The following DNAH11 variants were observed in gnomAD, a reference collection of about 807,000 sequenced individuals.
The protein encoded by DNAH11 is dynein axonemal heavy chain 11.
DNAH11 carries 442 observed loss-of-function variants against 526.0 expected under a neutral mutation model. The observed-to-expected ratio is 0.84, with a 90% CI of 0.78 to 0.91. The LOEUF (loss-of-function observed/expected upper bound fraction) is 0.91, where lower values mean the gene tolerates loss of function less well. Among genes scored for constraint, DNAH11 ranks in the 40% least tolerant of loss-of-function variants. The pLI, the probability that DNAH11 is intolerant of heterozygous loss-of-function variation, is 0.00. For missense variants in DNAH11, 6,989 were observed against 5,448.7 expected (o/e 1.28, Z -8.90); for synonymous variants, 2,461 against 1,935.9 (o/e 1.27, Z -7.12).
intron 57 of DNAH11, among the ~76,000 whole-genome samples, chr7:21,783,435 T>A (rs1369355512): frequency 6.6e-6 from 1 of 152,220 alleles, no homozygotes; most frequent in Admixed American, 6.5e-5. Context: ...ACCTGTTCAT[T>A]TCAAATACAT....
Position 21,867,950 on chromosome 7 carries a change from C to G in DNAH11, c.11782C>G (p.Pro3928Ala), listed in dbSNP as rs200216795. 3 of 1,569,102 alleles carry G rather than the reference C, an allele frequency of 1.9e-6. No individual in the cohort carries two copies. The highest frequency in any genetic ancestry group is 2.3e-5 in the South Asian group (2 of 85,120). ...ATTCGAAGAAAGCAGCCCAGCCACCCCCATATTCTTCATCCTGTCTCCGGG... is the reference window on the plus strand; with the variant it reads ...ATTCGAAGAAAGCAGCCCAGCCACCGCCATATTCTTCATCCTGTCTCCGGG... ...KAFEESSPAT[P>A]IFFILSPGVD... Residue 3928 changes from proline (P) to alanine (A), a missense_variant, in exon 72 of 82, where the codon CCC becomes GCC. Physicochemically the swap from Pro to Ala is conservative, Grantham distance 27. Coordinates refer to ENST00000409508, the MANE Select transcript of DNAH11 (RefSeq NM_001277115.2).
intron 45 of DNAH11, among the ~76,000 whole-genome samples, chr7:21,728,647 C>T (rs531169743): frequency 1.3e-5 from 2 of 152,216 alleles, no homozygotes; most frequent in African/African-American, 4.8e-5. Context: ...TACATTTCAT[C>T]TATCAGTTCA....
intron 54 of DNAH11, among the ~76,000 whole-genome samples, chr7:21,759,288 A>G: frequency 6.6e-6 from 1 of 152,214 alleles, no homozygotes; most frequent in Admixed American, 6.5e-5. Flanking sequence ...TCTAGCAAAA[A>G]TCTGTGATGT....
At chr7:21,683,682 A>G (rs184727257) in intron 31 of DNAH11, 102 bp from the exon 32 acceptor site, 8 of 1,283,656 alleles carry the variant, frequency 6.2e-6, no homozygotes, top group African/African-American at 1.5e-5. Flanking sequence ...TTTCCTATTT[A>G]TGAGAATTTT....
At chr7:21,649,788 C>T (rs1318555094) in intron 28 of DNAH11, among the ~76,000 whole-genome samples, 1 of 151,874 alleles carries the variant, frequency 6.6e-6, no homozygotes, top group Non-Finnish European at 1.5e-5. Flanking sequence ...GCCTCAGCCA[C>T]CTGAGTAGCT....
At position 21,783,703 on chromosome 7, in the gene DNAH11, A is replaced by G. The variant is rs1390691178; in HGVS notation, c.9484-724A>G. Among the ~76,000 whole-genome samples the G allele has an allele frequency of 2.9e-4, 40 of 136,992 alleles. 1 individual carries two copies. The Admixed American group carries it at 3.2e-3, about 11-fold the overall frequency. 89.9% of individuals were successfully genotyped at this position (136,992 alleles called of 152,430 possible). A position where few individuals can be genotyped will look rare whatever the true frequency, so the allele number is the denominator to read the frequency against. ...AAGTTTACCAGCATGACTTTCCTCT[A>G]TATTATATATCATGTCAGAAGGCTG... On this transcript the variant is annotated intron_variant, in intron 57 of 81. Coordinates refer to ENST00000409508, the MANE Select transcript of DNAH11 (RefSeq NM_001277115.2).
intron 45 of DNAH11, among the ~76,000 whole-genome samples, chr7:21,726,780 G>A (rs1785126380): frequency 1.5e-5 from 2 of 136,420 alleles, no homozygotes; most frequent in African/African-American, 2.8e-5. Context: ...AGAGTCGCTT[G>A]AACCTGGGAG....
At chr7:21,629,106 C>G (rs996467894) in intron 25 of DNAH11, among the ~76,000 whole-genome samples, 5 of 151,910 alleles carry the variant, frequency 3.3e-5, no homozygotes, top group African/African-American at 1.2e-4. Context: ...TGTTTTATTT[C>G]CATTTTAATT....
At chr7:21,783,585 TC>T (rs1402341459) in intron 57 of DNAH11, among the ~76,000 whole-genome samples, 1 of 152,176 alleles carries the variant, frequency 6.6e-6, no homozygotes, top group Non-Finnish European at 1.5e-5. Context: ...AAAAATTCAC[TC>T]TTCCTGGCCT....
chr7:21,893,601 C>T (rs770514723), intron 77 of DNAH11, among the ~76,000 whole-genome samples: 5 of 152,192 alleles, frequency 3.3e-5, no homozygotes, highest in Admixed American at 6.5e-5. Context: ...AGGCAAAGTT[C>T]CTCCATCTTT....
chr7:21,792,695 T>G (rs1007414888), intron 61 of DNAH11, among the ~76,000 whole-genome samples: 2 of 152,154 alleles, frequency 1.3e-5, no homozygotes, highest in Non-Finnish European at 2.9e-5. Context: ...ATGTTCATAG[T>G]AGTTTCTAAT....
chr7:21,615,249 T>TGGGA lies in DNAH11; in HGVS notation c.3989_3992dup (p.Asp1331GlufsTer12). ...AGAAATAAAATTGCTCAAGGGACTG[T>TGGGA]GGGATGTCATTATTTATGTTCGAGT... On this transcript the variant is annotated frameshift_variant, in exon 21 of 82. Transcript: ENST00000409508. LOFTEE classifies it high-confidence loss of function. The TGGGA allele has an allele frequency of 6.2e-7, 1 of 1,612,840 alleles. No individual in the cohort carries two copies. Among genetic ancestry groups the TGGGA allele is most frequent in the Non-Finnish European group, 8.5e-7 (1 of 1,179,304 alleles).
In DNAH11 at chr7:21,818,205, CTGAATTTTAAGGTTTT is replaced by C. The variant is rs1562564497; in HGVS notation, c.10569-6_10578del. 6.2e-7 allele frequency: 1 copy of C among 1,606,214 alleles called. No individual in the cohort carries two copies. On this transcript the variant is annotated splice_acceptor_variant and splice_polypyrimidine_tract_variant and coding_sequence_variant and intron_variant, in exon 65 of 82. Coordinates refer to ENST00000409508, the MANE Select transcript of DNAH11 (RefSeq NM_001277115.2). LOFTEE classifies it high-confidence loss of function. ...TTACATTTTATTATCTCAAATCCCA[CTGAATTTTAAGGTTTT>C]TGAATGCCATTGAAACTGCTTTGGC... is the stretch of plus-strand genomic sequence containing the variant.
chr7:21,867,776 T>A, intron 71 of DNAH11, 83 bp from the exon 72 acceptor site: 1 of 1,300,282 alleles, frequency 7.7e-7, no homozygotes, highest in Non-Finnish European at 1.1e-6. Context: ...ATCGTGTGCC[T>A]GTGTGGTTTA....
intron 18 of DNAH11, among the ~76,000 whole-genome samples, chr7:21,605,402 C>T (rs1447889691): frequency 2.0e-5 from 3 of 152,202 alleles, no homozygotes; most frequent in Non-Finnish European, 4.4e-5. Flanking sequence ...AGTAATTATG[C>T]TCCATGCATT....
intron 2 of DNAH11, 66 bp downstream of exon 2, chr7:21,545,215 C>A: frequency 7.8e-7 from 1 of 1,282,518 alleles, no homozygotes; most frequent in Non-Finnish European, 1.0e-6. Context: ...TTATTTAGGA[C>A]AACTCCGATA....
intron 48 of DNAH11, among the ~76,000 whole-genome samples, chr7:21,740,836 C>A (rs1210921120): frequency 6.6e-6 from 1 of 152,182 alleles, no homozygotes; most frequent in East Asian, 1.9e-4. Context: ...ATTTTATTCC[C>A]TACCAATAGT....
intron 36 of DNAH11, among the ~76,000 whole-genome samples, chr7:21,699,162 G>A (rs1223605304): frequency 1.3e-5 from 2 of 152,058 alleles, no homozygotes; most frequent in African/African-American, 2.4e-5. Context: ...TTTCTGAAGA[G>A]TATCTCAAGG....
intron 2 of DNAH11, among the ~76,000 whole-genome samples, chr7:21,552,077 T>A (rs1178075264): frequency 6.6e-6 from 1 of 152,118 alleles, no homozygotes; most frequent in Non-Finnish European, 1.5e-5. Flanking sequence ...ATCAAGAAGC[T>A]TGGAGGCAAA....
Sources: gnomAD v4.1 joint callset for allele counts (sites outside exome capture counted in the v4.1 genomes callset) on GRCh38, gnomAD v4.1.1 for gene constraint, MANE v1.5 for transcripts, NCBI Gene and HGNC (gene_info 2026-07-23, HGNC 2026-07-21) for gene names.